CARD14: variants seen among roughly 807,000 people sequenced by gnomAD.
CARD14 encodes the protein caspase recruitment domain family member 14, also known as caspase recruitment domain-containing protein 14.
CARD14 carries 107 observed loss-of-function variants against 111.5 expected under a neutral mutation model. The observed-to-expected ratio is 0.96, with a 90% CI of 0.82 to 1.13. The LOEUF is 1.13. CARD14 is among the 50% of genes most tolerant of loss of function. CARD14 has a pLI of 0.00. For synonymous variants in CARD14, 617 were observed against 579.6 expected, an observed-to-expected ratio of 1.06 and a Z score of -0.93; for missense variants, 1,322 against 1,362.3, an observed-to-expected ratio of 0.97 and a Z score of 0.47.
chr17:80,180,226 T>G (rs2040125752), intron 4 of CARD14, among the ~76,000 whole-genome samples: 1 of 152,110 alleles, frequency 6.6e-6, no homozygotes, highest in Non-Finnish European at 1.5e-5. Flanking sequence ...GCATGTCCCC[T>G]GAAGAGCAGG....
At chr17:80,172,620 G>T (rs773883089) in intron 1 of CARD14, among the ~76,000 whole-genome samples, 1 of 152,030 alleles carries the variant, frequency 6.6e-6, no homozygotes, top group Non-Finnish European at 1.5e-5. Flanking sequence ...GCGTGCCTTC[G>T]CCTCCCCTTG....
rs72853655 is a variant in CARD14 at position 80,203,542 on chromosome 17, C to G, written c.2220-280C>G. On this transcript the variant is annotated intron_variant, in intron 18 of 23. Transcript: ENST00000648509. The surrounding 1 kb of genome is among the most constrained non-coding windows in gnomAD (Gnocchi z 4.6). ...TGAGGTCCTGGAGTGGGGCCCTGTA[C>G]GCTGGCTGCTCAACAGCACCCCCTG... 2.5e-6 allele frequency: 1 copy of G among 406,524 alleles called. No individual in the cohort carries two copies. 25.2% of individuals were successfully genotyped at this position (406,524 alleles called of 1,614,324 possible).
At position 80,188,398 on chromosome 17, in the gene CARD14, C is replaced by G; in HGVS notation, c.697C>G (p.Leu233Val). Residue 233 changes from leucine (L) to valine (V), a missense_variant, in exon 8 of 24, where the codon CTG (leucine) becomes GTG (valine). By Grantham distance (32) the Leu-to-Val change is conservative. Transcript: ENST00000648509. This position sits in a 1 kb window ranked among gnomAD's most constrained non-coding sequence, Gnocchi z 4.5. ...QEELYLLKQELQRANMVSSCE... is the reference protein window; with the variant it reads ...QEELYLLKQEVQRANMVSSCE... Reference sequence around the variant, plus strand: ...ACAGCTGTATCTACTGAAGCAGGAGCTGCAGCGAGCCAACATGGTTTCCTC... The same window carrying G: ...ACAGCTGTATCTACTGAAGCAGGAGGTGCAGCGAGCCAACATGGTTTCCTC... 2 of 1,610,640 alleles carry G rather than the reference C, an allele frequency of 1.2e-6. No homozygotes were observed. Among genetic ancestry groups the G allele is most frequent in the Non-Finnish European group, 1.7e-6 (2 of 1,178,490 alleles).
intron 12 of CARD14, among the ~76,000 whole-genome samples, chr17:80,194,533 G>C (rs540175599): frequency 1.3e-5 from 2 of 152,318 alleles, no homozygotes; most frequent in South Asian, 4.1e-4. Context: ...TTGTGCATTA[G>C]TTCGTTCTCA....
At chr17:80,184,312 C>A (rs958156216) in intron 7 of CARD14, 74 bp downstream of exon 7, 1 of 1,203,336 alleles carries the variant, frequency 8.3e-7, no homozygotes, top group Non-Finnish European at 1.1e-6. Context: ...GCTGGTCCAT[C>A]TCCCTGGAAC....
chr17:80,181,431 G>T lies in CARD14; in HGVS notation c.-8G>T, dbSNP rs367878757. On this transcript the variant is annotated 5_prime_UTR_variant, in exon 5 of 24. Coordinates refer to ENST00000648509, the MANE Select transcript of CARD14 (RefSeq NM_001366385.1). Reference sequence around the variant, plus strand: ...CCACCCCTCCTAGGGTCCTCCCAGCGCCCAGCCATGGGGGAACTGTGCCGC... The same window carrying T: ...CCACCCCTCCTAGGGTCCTCCCAGCTCCCAGCCATGGGGGAACTGTGCCGC... The T allele has an allele frequency of 4.4e-4, 688 of 1,559,322 alleles. 3 individuals are homozygous for T. The African/African-American group carries it at 7.8e-3, about 18-fold the overall frequency.
chr17:80,199,142 C>G (rs1164081566), intron 16 of CARD14, among the ~76,000 whole-genome samples: 1 of 151,836 alleles, frequency 6.6e-6, no homozygotes, highest in Non-Finnish European at 1.5e-5. Flanking sequence ...TTTTCTAAAA[C>G]TTTTTTTTGT....
Position 80,188,129 on chromosome 17 carries a change from C to T in CARD14, c.676-248C>T, listed in dbSNP as rs114702862. ...CTTGGTCTATTCCTGGGACCCTAAC[C>T]CTGGATGGAGTTCAACCGCGGTGCC... is the stretch of plus-strand genomic sequence containing the variant. On this transcript the variant is annotated intron_variant, in intron 7 of 23. Coordinates refer to ENST00000648509, the MANE Select transcript of CARD14 (RefSeq NM_001366385.1). This position sits in a 1 kb window ranked among gnomAD's most constrained non-coding sequence, Gnocchi z 4.5. 0.013 allele frequency: 6,148 copies of T among 484,912 alleles called. 69 individuals carry two copies. Among genetic ancestry groups the T allele is most frequent in the South Asian group, 0.039 (575 of 14,656 alleles). 30.0% of individuals were successfully genotyped at this position (484,912 alleles called of 1,614,324 possible).
At position 80,203,269 on chromosome 17, in the gene CARD14, C is replaced by CA. The variant is rs5822329; in HGVS notation, c.2220-538dup. 0.026 allele frequency: 2,845 copies of CA among 109,590 alleles called. 27 individuals are homozygous for CA. The highest frequency in any genetic ancestry group is 0.073 in the Middle Eastern group (15 of 206). The allele number at this position is 109,590 out of a possible 1,614,324, so 6.8% of individuals were successfully genotyped here. Reference sequence around the variant, plus strand: ...TGGGCGACAGAGTGAGACTCTGTCTCAAAAAAAAAAAAAAAGAAAAGGAAA... The same window carrying CA: ...TGGGCGACAGAGTGAGACTCTGTCTCAAAAAAAAAAAAAAAAGAAAAGGAAA... On this transcript the variant is annotated intron_variant, in intron 18 of 23. Coordinates refer to ENST00000648509, the MANE Select transcript of CARD14 (RefSeq NM_001366385.1). This position sits in a 1 kb window ranked among gnomAD's most constrained non-coding sequence, Gnocchi z 4.6.
Position 80,208,408 on chromosome 17 carries a change from C to A in CARD14, c.*63C>A, listed in dbSNP as rs1420648326. 5 of 1,417,762 alleles carry A rather than the reference C, an allele frequency of 3.5e-6. No individual in the cohort carries two copies. The highest frequency in any genetic ancestry group is 2.0e-4 in the Middle Eastern group (1 of 5,068). 87.8% of individuals were successfully genotyped at this position (1,417,762 alleles called of 1,614,324 possible). ...TGTGCCTGTTAATGCAGTCCTGTTCCTCAGCCCAGGCCCTCTTGGCACAGC... is the reference window on the plus strand; with the variant it reads ...TGTGCCTGTTAATGCAGTCCTGTTCATCAGCCCAGGCCCTCTTGGCACAGC... On this transcript the variant is annotated 3_prime_UTR_variant, in exon 24 of 24. Transcript: ENST00000648509.
chr17:80,192,532 C>A lies in CARD14; in HGVS notation c.1269C>A (p.Pro423=). 1 of 1,613,830 alleles carries A rather than the reference C, an allele frequency of 6.2e-7. No homozygotes were observed. Among genetic ancestry groups the A allele is most frequent in the Non-Finnish European group, 8.5e-7 (1 of 1,179,930 alleles). ...AGCAGGAAGCCAGGACCAGGGAGCC[C>A]TGTCCACGGGAGAAGCAGCGGCTGG... ...VLKQEARTRE[P]CPREKQRLVR... The change falls in exon 12 of 24, where the codon CCC becomes CCA. Residue 423 remains proline (P), a synonymous_variant. Coordinates refer to ENST00000648509, the MANE Select transcript of CARD14 (RefSeq NM_001366385.1).
chr17:80,207,357 C>T (rs879614576), intron 23 of CARD14, among the ~76,000 whole-genome samples: 1 of 152,190 alleles, frequency 6.6e-6, no homozygotes, highest in Non-Finnish European at 1.5e-5. Flanking sequence ...TCGAGACCAG[C>T]CTGGCCAACA....
Position 80,201,543 on chromosome 17 carries a change from C to T in CARD14, c.1852-201C>T, listed in dbSNP as rs1378501347. ...TTGGCAGTTGACTCTCTGGCCAGCACTATGTGTAGCACGCATCACTAGAGG... is the reference window on the plus strand; with the variant it reads ...TTGGCAGTTGACTCTCTGGCCAGCATTATGTGTAGCACGCATCACTAGAGG... On this transcript the variant is annotated intron_variant, in intron 16 of 23. Transcript: ENST00000648509. This position sits in a 1 kb window ranked among gnomAD's most constrained non-coding sequence, Gnocchi z 5.0. The T allele has an allele frequency of 6.6e-6, 4 of 602,228 alleles. No individual in the cohort carries two copies. The highest frequency in any genetic ancestry group is 1.2e-5 in the Non-Finnish European group (4 of 338,206). The allele number at this position is 602,228 out of a possible 1,614,324, so 37.3% of individuals were successfully genotyped here.
At chr17:80,180,503 G>A (rs112657481) in intron 4 of CARD14, among the ~76,000 whole-genome samples, 17 of 152,268 alleles carry the variant, frequency 1.1e-4, no homozygotes, top group African/African-American at 3.6e-4. Context: ...AGTCCTCTGC[G>A]CAGTCCTCTG....
Position 80,208,514 on chromosome 17 carries a change from C to T in CARD14, c.*169C>T, listed in dbSNP as rs1297345389. On this transcript the variant is annotated 3_prime_UTR_variant, in exon 24 of 24. Transcript: ENST00000648509. ...GAACCCTCACCACGTGCAGGTCACA[C>T]ACAGTGAAGCCACTTGTAACTGCAC... 3 of 562,866 alleles carry T rather than the reference C, an allele frequency of 5.3e-6. No individual in the cohort carries two copies. The highest frequency in any genetic ancestry group is 5.9e-5 in the East Asian group (2 of 34,068). 34.9% of individuals were successfully genotyped at this position (562,866 alleles called of 1,614,324 possible).
In CARD14 at chr17:80,183,864, C is replaced by T. The variant is rs746732324; in HGVS notation, c.350-49C>T. On this transcript the variant is annotated intron_variant, in intron 6 of 23. Transcript: ENST00000648509. Reference sequence around the variant, plus strand: ...CCTGCTCACCTACCCACCTGCCCACCTATTACCTCCCTACCTGCTCACTTG... The same window carrying T: ...CCTGCTCACCTACCCACCTGCCCACTTATTACCTCCCTACCTGCTCACTTG... 1.4e-5 allele frequency: 20 copies of T among 1,428,064 alleles called. No homozygotes were observed. The African/African-American group carries it at 2.3e-4, about 16-fold the overall frequency. The allele number at this position is 1,428,064 out of a possible 1,614,324, so 88.5% of individuals were successfully genotyped here.
rs371118419 is a variant in CARD14 at position 80,198,181 on chromosome 17, T to A, written c.1658+19T>A. Reference sequence around the variant, plus strand: ...CGGAGAGGTAAGCAGCAGGTGGGAATCCTCCGAGGCTGGCTGGGGAACCAG... The same window carrying A: ...CGGAGAGGTAAGCAGCAGGTGGGAAACCTCCGAGGCTGGCTGGGGAACCAG... On this transcript the variant is annotated intron_variant, in intron 15 of 23. Transcript: ENST00000648509. This position sits in a 1 kb window ranked among gnomAD's most constrained non-coding sequence, Gnocchi z 7.5. 7 of 1,613,272 alleles carry A rather than the reference T, an allele frequency of 4.3e-6. No homozygotes were observed. The highest frequency in any genetic ancestry group is 4.5e-5 in the East Asian group (2 of 44,872).
rs1336700313 is a variant in CARD14, at chr17:80,181,504, G to T, written c.66G>T (p.Met22Ile). Reference sequence around the variant, plus strand: ...TGGACGAGGAGACACTGTGGGAGATGATGGAGAGCCACCGCCACAGGATCG... The same window carrying T: ...TGGACGAGGAGACACTGTGGGAGATTATGGAGAGCCACCGCCACAGGATCG... ...TALDEETLWE[M>I]MESHRHRIVR... Residue 22 changes from methionine to isoleucine, a missense_variant, in exon 5 of 24, where the codon ATG becomes ATT. Met to Ile is a conservative substitution (Grantham distance 10). Coordinates refer to ENST00000648509, the MANE Select transcript of CARD14 (RefSeq NM_001366385.1). 6.3e-7 allele frequency: 1 copy of T among 1,588,030 alleles called. No homozygotes were observed. The highest frequency in any genetic ancestry group is 8.6e-7 in the Non-Finnish European group (1 of 1,166,396).
At chr17:80,193,134 A>G (rs988261719) in intron 12 of CARD14, among the ~76,000 whole-genome samples, 2 of 152,178 alleles carry the variant, frequency 1.3e-5, no homozygotes, top group Non-Finnish European at 2.9e-5. Flanking sequence ...CTGACAGGGT[A>G]CCCGTCTGGA....
Sources: allele counts gnomAD v4.1 joint callset (sites outside exome capture counted in the v4.1 genomes callset), GRCh38; gene constraint gnomAD v4.1.1; non-coding constraint Gnocchi (gnomAD v3.1); transcripts MANE v1.5; gene names NCBI Gene and HGNC (gene_info 2026-07-23, HGNC 2026-07-21).